Variants in ACSL5 observed in about 807,000 individuals in gnomAD.
The protein encoded by ACSL5 is long-chain-fatty-acid--CoA ligase 5.
Under a neutral mutation model 84.9 loss-of-function variants are expected in ACSL5, and 50 were observed. That is an observed-to-expected ratio of 0.59 (90% CI 0.47 to 0.75). The LOEUF is 0.75. Ranked by LOEUF, ACSL5 falls within the 30% of genes least tolerant of loss-of-function variation. The probability of loss-of-function intolerance (pLI) is 0.00; values close to 1 mark genes in which losing one functional copy is unlikely to be tolerated. For missense variants in ACSL5, 775 were observed against 830.4 expected (o/e 0.93, Z 0.82); for synonymous variants, 280 against 300.7 (o/e 0.93, Z 0.71).
chr10:112,389,011 T>C (rs917488350), intron 1 of ACSL5, among the ~76,000 whole-genome samples: 2 of 152,194 alleles, frequency 1.3e-5, no homozygotes, highest in Non-Finnish European at 2.9e-5. Context: ...AAAATGATTT[T>C]TAGCCAATAG....
intron 7 of ACSL5, chr10:112,410,036 C>A: frequency 8.9e-6 from 3 of 337,318 alleles, no homozygotes; most frequent in Non-Finnish European, 1.3e-5. Flanking sequence ...TCCCTTCTCT[C>A]GGTCCGTAAA....
At chr10:112,385,120 A>C (rs756485276) in intron 1 of ACSL5, among the ~76,000 whole-genome samples, 2 of 152,250 alleles carry the variant, frequency 1.3e-5, no homozygotes, top group Non-Finnish European at 2.9e-5. Flanking sequence ...TATAATAGTT[A>C]ATACATGAAC....
intron 1 of ACSL5, among the ~76,000 whole-genome samples, chr10:112,384,617 C>T (rs1265656689): frequency 1.3e-5 from 2 of 152,184 alleles, no homozygotes; most frequent in African/African-American, 4.8e-5. Context: ...AAGCGATCCT[C>T]CCACCTCAGG....
At position 112,425,357 on chromosome 10, in the gene ACSL5, T is replaced by C; in HGVS notation, c.1613T>C (p.Ile538Thr). 6.2e-7 allele frequency: 1 copy of C among 1,612,764 alleles called. No homozygotes were observed. Among genetic ancestry groups the C allele is most frequent in the South Asian group, 1.1e-5 (1 of 90,882 alleles). The change falls in exon 18 of 21, where the codon ATC (isoleucine) becomes ACC (threonine). Residue 538 changes from isoleucine to threonine, a missense_variant. Coordinates refer to ENST00000354655, the MANE Select transcript of ACSL5 (RefSeq NM_203379.2). ...RWLPNGTLKI[I>T]DRKKNIFKLA... ...ATGTAGAATGGAACTCTGAAGATCA[T>C]CGACCGTAAAAAGAACATTTTCAAG...
intron 5 of ACSL5, among the ~76,000 whole-genome samples, chr10:112,405,602 AG>A (rs1464391592): frequency 3.3e-5 from 5 of 152,316 alleles, no homozygotes; most frequent in Non-Finnish European, 7.4e-5. Context: ...CAATAGAAAA[AG>A]GTTCCCTTGA....
At chr10:112,411,639 CACACACACGTTAAAGGCTG>C (rs1844181154) in intron 10 of ACSL5, 110 bp downstream of exon 10, 1 of 1,020,042 alleles carries the variant, frequency 9.8e-7, no homozygotes, top group Non-Finnish European at 1.5e-6. Flanking sequence ...CACACACACA[CACACACACGTTAAAGGCTG>C]GAGTGTGGAC....
At chr10:112,384,841 T>C (rs1048453205) in intron 1 of ACSL5, among the ~76,000 whole-genome samples, 2 of 152,210 alleles carry the variant, frequency 1.3e-5, no homozygotes, top group African/African-American at 2.4e-5. Context: ...TCTATGAGGA[T>C]TGTCTTTTCA....
At chr10:112,401,786 C>CTCTTCCTTTCTTTCTT (rs1554862685) in intron 3 of ACSL5, among the ~76,000 whole-genome samples, 2 of 119,394 alleles carry the variant, frequency 1.7e-5, no homozygotes, top group African/African-American at 7.1e-5. Context: ...TTCTTTCTTT[C>CTCTTCCTTTCTTTCTT]TCTTTCTTTC....
chr10:112,376,186 G>GAA, intron 1 of ACSL5: 9 of 1,286,434 alleles, frequency 7.0e-6, no homozygotes, highest in Admixed American at 2.3e-5. Context: ...TTTCAGTTGT[G>GAA]AAAAAAAAAA....
At chr10:112,382,343 G>A (rs1326294205) in intron 1 of ACSL5, among the ~76,000 whole-genome samples, 1 of 152,224 alleles carries the variant, frequency 6.6e-6, no homozygotes, top group Non-Finnish European at 1.5e-5. Context: ...CTCCTCGCTA[G>A]TTGCCTTTCT....
At chr10:112,422,292 C>T in intron 16 of ACSL5, 33 bp from the exon 17 acceptor site, 2 of 1,580,348 alleles carry the variant, frequency 1.3e-6, no homozygotes, top group Non-Finnish European at 1.7e-6. Flanking sequence ...GCAGCCTTTG[C>T]TATTGTCACC....
chr10:112,407,021 C>A (rs190763248), intron 5 of ACSL5, among the ~76,000 whole-genome samples: 1 of 152,088 alleles, frequency 6.6e-6, no homozygotes, highest in African/African-American at 2.4e-5. Context: ...CTTCTTACAT[C>A]GTGGCAGCAA....
intron 3 of ACSL5, among the ~76,000 whole-genome samples, chr10:112,399,493 T>A (rs1202296754): frequency 6.6e-6 from 1 of 152,238 alleles, no homozygotes; most frequent in East Asian, 1.9e-4. Flanking sequence ...GATACCATCC[T>A]ACTGACCAAA....
chr10:112,427,039 ATTCTCCC>A (rs1844753714), intron 20 of ACSL5, among the ~76,000 whole-genome samples, 172 bp from the exon 21 acceptor site: 1 of 152,210 alleles, frequency 6.6e-6, no homozygotes, highest in Non-Finnish European at 1.5e-5. Flanking sequence ...TTTATTGTCC[ATTCTCCC>A]TTCTCCCTAC....
chr10:112,380,851 G>T (rs531854089), intron 1 of ACSL5, among the ~76,000 whole-genome samples: 3 of 152,188 alleles, frequency 2.0e-5, no homozygotes, highest in African/African-American at 4.8e-5. Context: ...GCGGGATCAT[G>T]GATCACTACA....
rs1849400405 is a variant in ACSL5 at position 112,383,954 on chromosome 10, A to T, written c.-30+9685A>T. 2.6e-5 allele frequency among the ~76,000 whole-genome samples: 4 copies of T among 152,044 alleles called. No homozygotes were observed. The South Asian group carries it at 8.3e-4, about 32-fold the overall frequency. ...ATGCCTGTAATCCCAGCACTTTGGGAGGCTTGAGGCAGGTGGATCACTTGA... is the reference window on the plus strand; with the variant it reads ...ATGCCTGTAATCCCAGCACTTTGGGTGGCTTGAGGCAGGTGGATCACTTGA... On this transcript the variant is annotated intron_variant, in intron 1 of 20. Transcript: ENST00000354655.
Position 112,404,791 on chromosome 10 carries a change from T to C in ACSL5, c.417T>C (p.Ala139=), listed in dbSNP as rs1843992106. 1 of 1,613,470 alleles carries C rather than the reference T, an allele frequency of 6.2e-7. No homozygotes were observed. The highest frequency in any genetic ancestry group is 8.5e-7 in the Non-Finnish European group (1 of 1,179,672). Residue 139 remains alanine, a synonymous_variant, in exon 5 of 21, where the codon GCT becomes GCC. Transcript: ENST00000354655. ...SSPDQFVGIF[A]QNRPEWIISE... The stretch of plus-strand genomic sequence containing the variant: ...CAGACCAGTTTGTCGGCATCTTTGC[T>C]CAGAATAGGCCAGAGGTAACTATGT...
intron 2 of ACSL5, 112 bp from the exon 3 acceptor site, chr10:112,398,788 CA>C: frequency 1.2e-6 from 1 of 812,896 alleles, no homozygotes; most frequent in East Asian, 2.5e-5. Flanking sequence ...GCGAAGAGAA[CA>C]TTCCCGTGAC....
intron 18 of ACSL5, among the ~76,000 whole-genome samples, chr10:112,425,901 C>T (rs778570424): frequency 6.6e-6 from 1 of 152,054 alleles, no homozygotes; most frequent in African/African-American, 2.4e-5. Flanking sequence ...TATGCTTAAA[C>T]GTAGCTTTAA....
Sources: allele counts gnomAD v4.1 joint callset (sites outside exome capture counted in the v4.1 genomes callset), GRCh38; gene constraint gnomAD v4.1.1; transcripts MANE v1.5; gene names NCBI Gene and HGNC (gene_info 2026-07-23, HGNC 2026-07-21).